Variants in RHOJ observed in about 807,000 individuals in gnomAD.
The protein encoded by RHOJ is ras homolog family member J.
A neutral mutation model predicts 23.4 loss-of-function variants in RHOJ; 11 were observed. That is an observed-to-expected ratio of 0.47 (90% CI 0.30 to 0.78). The LOEUF (loss-of-function observed/expected upper bound fraction) is 0.78. Ranked by LOEUF, RHOJ falls within the 30% of genes least tolerant of loss-of-function variation. The pLI is 0.08. For synonymous variants in RHOJ, 102 were observed against 102.7 expected, an observed-to-expected ratio of 0.99 and a Z score of 0.04; for missense variants, 254 against 273.4, an observed-to-expected ratio of 0.93 and a Z score of 0.50.
At chr14:63,221,165 CA>C (rs1488659306) in intron 1 of RHOJ, among the ~76,000 whole-genome samples, 1 of 152,000 alleles carries the variant, frequency 6.6e-6, no homozygotes, top group African/African-American at 2.4e-5. Flanking sequence ...CCCGTCTCTA[CA>C]AAAAAATTTT....
chr14:63,258,138 G>A (rs1222485258), intron 1 of RHOJ, among the ~76,000 whole-genome samples: 1 of 146,636 alleles, frequency 6.8e-6, no homozygotes, highest in Non-Finnish European at 1.5e-5. Flanking sequence ...TGAGACAGGA[G>A]AATCGCTTGA....
At chr14:63,212,718 C>T (rs752720274) in intron 1 of RHOJ, among the ~76,000 whole-genome samples, 7 of 152,170 alleles carry the variant, frequency 4.6e-5, no homozygotes, top group Non-Finnish European at 8.8e-5. Context: ...TTTTCTAACT[C>T]TTTGAACCCA....
intron 1 of RHOJ, among the ~76,000 whole-genome samples, chr14:63,257,527 G>A (rs1895191886): frequency 6.7e-6 from 1 of 150,180 alleles, no homozygotes; most frequent in Non-Finnish European, 1.5e-5. Flanking sequence ...TGGAAGCTGT[G>A]AGCCAGGCCC....
At chr14:63,223,764 T>C (rs1375381877) in intron 1 of RHOJ, among the ~76,000 whole-genome samples, 1 of 152,102 alleles carries the variant, frequency 6.6e-6, no homozygotes, top group Non-Finnish European at 1.5e-5. Flanking sequence ...CTACACAAAC[T>C]CTGCTTTTTC....
chr14:63,218,789 A>T (rs925748172), intron 1 of RHOJ, among the ~76,000 whole-genome samples: 2 of 152,226 alleles, frequency 1.3e-5, no homozygotes, highest in Non-Finnish European at 2.9e-5. Context: ...AGACAACTAC[A>T]GTTGACCACA....
chr14:63,248,172 G>T (rs1226863584), intron 1 of RHOJ, among the ~76,000 whole-genome samples: 2 of 152,176 alleles, frequency 1.3e-5, no homozygotes, highest in Non-Finnish European at 2.9e-5. Context: ...AGGTGTGTTA[G>T]TCTTGAGTAG....
intron 2 of RHOJ, among the ~76,000 whole-genome samples, chr14:63,276,550 C>A (rs187734293): frequency 6.6e-6 from 1 of 152,162 alleles, no homozygotes; most frequent in African/African-American, 2.4e-5. Flanking sequence ...AACAGTGCTA[C>A]GCATTCAGTA....
intron 1 of RHOJ, among the ~76,000 whole-genome samples, chr14:63,236,555 G>T (rs1205053962): frequency 3.3e-5 from 5 of 152,012 alleles, no homozygotes; most frequent in African/African-American, 4.8e-5. Context: ...CCACAAGAAC[G>T]GCACGGGAAA....
At chr14:63,230,561 C>T (rs536665897) in intron 1 of RHOJ, among the ~76,000 whole-genome samples, 62 of 152,202 alleles carry the variant, frequency 4.1e-4, no homozygotes, top group African/African-American at 1.4e-3. Context: ...TTCTTCAGAA[C>T]CCTGCTCAAA....
At chr14:63,215,682 C>A (rs911799677) in intron 1 of RHOJ, among the ~76,000 whole-genome samples, 1 of 152,178 alleles carries the variant, frequency 6.6e-6, no homozygotes, top group African/African-American at 2.4e-5. Context: ...TCAAATCTAT[C>A]AGCTCCACAA....
At chr14:63,261,605 T>C (rs1242334145) in intron 1 of RHOJ, among the ~76,000 whole-genome samples, 1 of 151,584 alleles carries the variant, frequency 6.6e-6, no homozygotes, top group Admixed American at 6.6e-5. Context: ...CTAATTTTTT[T>C]TTTTTTTTCA....
chr14:63,205,156 T>A, intron 1 of RHOJ, 109 bp downstream of exon 1: 1 of 1,189,096 alleles, frequency 8.4e-7, no homozygotes, highest in Non-Finnish European at 1.2e-6. Flanking sequence ...GGTGCGGGCC[T>A]GGCAGTAACC....
chr14:63,289,892 T>C (rs1329014124), intron 4 of RHOJ, among the ~76,000 whole-genome samples: 1 of 152,208 alleles, frequency 6.6e-6, no homozygotes, highest in African/African-American at 2.4e-5. Context: ...TGTTTTATTG[T>C]TATTGTTACA....
chr14:63,218,271 T>A (rs1894409599), intron 1 of RHOJ, among the ~76,000 whole-genome samples: 1 of 152,228 alleles, frequency 6.6e-6, no homozygotes, highest in Non-Finnish European at 1.5e-5. Flanking sequence ...TATTCACAGC[T>A]CTGTCTCTAA....
At chr14:63,271,582 C>A (rs772749423) in intron 2 of RHOJ, among the ~76,000 whole-genome samples, 4 of 152,110 alleles carry the variant, frequency 2.6e-5, no homozygotes, top group African/African-American at 4.8e-5. Context: ...ATTTGCATTT[C>A]TTTTATTTTA....
rs1311960313 is a variant in RHOJ at position 63,218,341 on chromosome 14, C to T, written c.178+13294C>T. 2.0e-5 allele frequency among the ~76,000 whole-genome samples: 3 copies of T among 152,104 alleles called. No homozygotes were observed. In the East Asian group the frequency reaches 5.8e-4, roughly 29 times the overall value. The stretch of plus-strand genomic sequence containing the variant: ...AAAATCTGCATTTTTAACAAGTAAG[C>T]TTTTCTTATGACCAGGCAAGTTTGG... On this transcript the variant is annotated intron_variant, in intron 1 of 4. Transcript: ENST00000316754.
At chr14:63,272,978 G>A (rs751528248) in intron 2 of RHOJ, among the ~76,000 whole-genome samples, 28 of 152,164 alleles carry the variant, frequency 1.8e-4, no homozygotes, top group Non-Finnish European at 3.5e-4. Flanking sequence ...AGCTGAGATC[G>A]CACCATTGCA....
intron 1 of RHOJ, among the ~76,000 whole-genome samples, chr14:63,263,632 C>G (rs1345993015): frequency 6.6e-6 from 1 of 152,224 alleles, no homozygotes; most frequent in Non-Finnish European, 1.5e-5. Flanking sequence ...ACTAGACAGC[C>G]ACTACACAGC....
intron 4 of RHOJ, among the ~76,000 whole-genome samples, chr14:63,288,731 T>C (rs2139670385): frequency 6.6e-6 from 1 of 152,372 alleles, no homozygotes; most frequent in Non-Finnish European, 1.5e-5. Context: ...CATCGTTTTC[T>C]TTTGGTATTT....
Sources: allele counts gnomAD v4.1 joint callset (sites outside exome capture counted in the v4.1 genomes callset), GRCh38; gene constraint gnomAD v4.1.1; transcripts MANE v1.5; gene names NCBI Gene and HGNC (gene_info 2026-07-23, HGNC 2026-07-21).